Variants in ANK3 observed in about 807,000 individuals in gnomAD.
ANK3 encodes the protein ankyrin-3.
In ANK3, 57 loss-of-function variants were observed where a neutral mutation model predicts 370.9. The ratio of observed to expected loss-of-function variants is 0.15; its 90% confidence interval spans 0.12 to 0.19. ANK3 has a LOEUF of 0.19. Ranked by LOEUF, ANK3 falls within the 10% of genes least tolerant of loss-of-function variation. The pLI, the probability that ANK3 is intolerant of heterozygous loss-of-function variation, is 1.00. For synonymous variants in ANK3, 1,929 were observed against 1,946.3 expected (o/e 0.99, Z 0.23); for missense variants, 4,439 against 5,302.1 (o/e 0.84, Z 5.06).
intron 1 of ANK3, among the ~76,000 whole-genome samples, chr10:60,309,822 T>C (rs950349483): frequency 4.0e-5 from 6 of 151,842 alleles, no homozygotes; most frequent in East Asian, 1.9e-4. Context: ...GAGTTACATA[T>C]GCAAAATCAA....
chr10:60,128,260 TAG>T (rs1180771129), intron 25 of ANK3, among the ~76,000 whole-genome samples: 2 of 152,176 alleles, frequency 1.3e-5, no homozygotes, highest in Non-Finnish European at 2.9e-5. Context: ...AATGCAGATG[TAG>T]AGTGTTCAGG....
chr10:60,260,164 G>A (rs1008673318), intron 7 of ANK3, among the ~76,000 whole-genome samples: 2 of 152,154 alleles, frequency 1.3e-5, no homozygotes, highest in African/African-American at 2.4e-5. Flanking sequence ...CTAGGGGAGA[G>A]AATAGTGGTT....
At chr10:60,469,081 A>ATATACCACTTTTAG (rs2065097386) in intron 2 of ANK3, among the ~76,000 whole-genome samples, 1 of 80,400 alleles carries the variant, frequency 1.2e-5, no homozygotes, top group East Asian at 5.6e-4. Context: ...ATATATATAT[A>ATATACCACTTTTAG]TATATATATA....
At chr10:60,268,661 A>C (rs929064865) in intron 5 of ANK3, among the ~76,000 whole-genome samples, 1 of 151,874 alleles carries the variant, frequency 6.6e-6, no homozygotes, top group African/African-American at 2.4e-5. Flanking sequence ...TATTTCTATA[A>C]TATAACTTTT....
intron 2 of ANK3, among the ~76,000 whole-genome samples, chr10:60,516,691 C>A (rs561366067): frequency 7.9e-5 from 12 of 152,146 alleles, no homozygotes; most frequent in Admixed American, 5.9e-4. Flanking sequence ...CACTTGAGCC[C>A]AGGAATTCAA....
chr10:60,212,495 C>T (rs1012789962), intron 9 of ANK3, among the ~76,000 whole-genome samples: 2 of 152,092 alleles, frequency 1.3e-5, no homozygotes, highest in Non-Finnish European at 2.9e-5. Flanking sequence ...ATAAGAAACA[C>T]TCAAAAGGCC....
intron 1 of ANK3, among the ~76,000 whole-genome samples, chr10:60,298,486 C>A (rs1051029246): frequency 2.0e-5 from 3 of 152,160 alleles, no homozygotes; most frequent in Non-Finnish European, 4.4e-5. Context: ...TCCAGCAAAA[C>A]CCAGTACAGC....
chr10:60,375,508 G>A (rs920062323), intron 1 of ANK3, among the ~76,000 whole-genome samples: 1 of 152,104 alleles, frequency 6.6e-6, no homozygotes, highest in Admixed American at 6.5e-5. Context: ...GGGGGGGAGG[G>A]GGGAAGGACT....
chr10:60,115,192 C>A (rs2093000907), intron 25 of ANK3, among the ~76,000 whole-genome samples: 1 of 152,124 alleles, frequency 6.6e-6, no homozygotes, highest in Non-Finnish European at 1.5e-5. Context: ...ATTTGAAGAT[C>A]ATACAACGAT....
Position 60,075,810 on chromosome 10 carries a change from A to C in ANK3, c.5071T>G (p.Ser1691Ala). 1 of 1,614,192 alleles carries C rather than the reference A, an allele frequency of 6.2e-7. No individual in the cohort carries two copies. The highest frequency in any genetic ancestry group is 2.2e-5 in the East Asian group (1 of 44,884). Residue 1691 changes from serine to alanine, a missense_variant, in exon 37 of 44, where the codon TCA (serine) becomes GCA (alanine). By Grantham distance (99) the Ser-to-Ala change is moderately conservative. This residue lies in a region of ANK3 where 679 missense variants were observed against 791.0 expected (regional missense o/e 0.86). Transcript: ENST00000280772. ...GAAGATGCCATTGTAATTTTGGCTG[A>C]TGAAATGACATCAACTGCTGATTTA... ...PVKSAVDVIS[S>A]AKITMASSLS...
intron 1 of ANK3, among the ~76,000 whole-genome samples, chr10:60,694,851 A>C (rs1478343827): frequency 6.6e-6 from 1 of 150,422 alleles, no homozygotes; most frequent in Non-Finnish European, 1.5e-5. Flanking sequence ...AACGAGCAAA[A>C]TAACCAGCTA....
At position 60,087,398 on chromosome 10, in the gene ANK3, T is replaced by C. The variant is rs1037571003; in HGVS notation, c.3541-514A>G. Among the ~76,000 whole-genome samples the C allele has an allele frequency of 1.6e-4, 24 of 152,166 alleles. 1 individual carries two copies. Among genetic ancestry groups the C allele is most frequent in the African/African-American group, 5.1e-4 (21 of 41,436 alleles). ...TTTTCTGTTTGGTAAAATAACTTGG[T>C]ATGGGAGGCAGGTGAAGGGAGCTTC... On this transcript the variant is annotated intron_variant, in intron 29 of 43. Coordinates refer to ENST00000280772, the MANE Select transcript of ANK3 (RefSeq NM_020987.5).
intron 2 of ANK3, among the ~76,000 whole-genome samples, chr10:60,525,254 A>G (rs2076441488): frequency 6.6e-6 from 1 of 152,058 alleles, no homozygotes; most frequent in Admixed American, 6.6e-5. Flanking sequence ...GATTTTTAAC[A>G]TTTTCACTCC....
chr10:60,246,282 GA>G (rs766248112), intron 7 of ANK3, among the ~76,000 whole-genome samples: 1 of 106,146 alleles, frequency 9.4e-6, no homozygotes, highest in East Asian at 2.7e-4. Context: ...AAAAAAAAAA[GA>G]AAAAAGAAAA....
intron 1 of ANK3, among the ~76,000 whole-genome samples, chr10:60,690,295 G>A (rs1419983828): frequency 1.3e-5 from 2 of 152,138 alleles, no homozygotes; most frequent in Non-Finnish European, 2.9e-5. Context: ...CCTCACCCGG[G>A]AAGCACAAGG....
chr10:60,554,740 A>T (rs577763635), intron 2 of ANK3, among the ~76,000 whole-genome samples: 49 of 152,274 alleles, frequency 3.2e-4, no homozygotes, highest in African/African-American at 1.2e-3. Context: ...CAACCTAAAA[A>T]CAAATTTAAT....
intron 2 of ANK3, among the ~76,000 whole-genome samples, chr10:60,422,390 C>T (rs2063797425): frequency 6.6e-6 from 1 of 152,104 alleles, no homozygotes; most frequent in Non-Finnish European, 1.5e-5. Flanking sequence ...CTGACAAAGA[C>T]TACTCTAGAC....
chr10:60,365,475 T>C (rs970052210), intron 1 of ANK3, among the ~76,000 whole-genome samples: 14 of 152,250 alleles, frequency 9.2e-5, no homozygotes, highest in African/African-American at 3.4e-4. Flanking sequence ...AATTATATGA[T>C]ATTGCATGAC....
At chr10:60,046,646 A>T (rs936474146) in intron 42 of ANK3, among the ~76,000 whole-genome samples, 1 of 152,126 alleles carries the variant, frequency 6.6e-6, no homozygotes, top group Admixed American at 6.6e-5. Context: ...GGAGGAATAG[A>T]TTAGATAGGA....
Sources: gnomAD v4.1 joint callset for allele counts (sites outside exome capture counted in the v4.1 genomes callset) on GRCh38, gnomAD v4.1.1 for gene constraint, gnomAD v4.1.1 regional missense constraint, MANE v1.5 for transcripts, NCBI Gene and HGNC (gene_info 2026-07-23, HGNC 2026-07-21) for gene names.